SULT2B1: variants seen among roughly 807,000 people sequenced by gnomAD.
The protein encoded by SULT2B1 is sulfotransferase family 2B member 1.
Under a neutral mutation model 33.2 loss-of-function variants are expected in SULT2B1, and 16 were observed. The observed-to-expected ratio is 0.48, with a 90% CI of 0.33 to 0.73. The LOEUF is 0.73. Among genes scored for constraint, SULT2B1 ranks in the 30% least tolerant of loss-of-function variants. The pLI, the probability that SULT2B1 is intolerant of heterozygous loss-of-function variation, is 0.02. For missense variants in SULT2B1, 500 were observed against 506.0 expected, an observed-to-expected ratio of 0.99 and a Z score of 0.11; for synonymous variants, 186 against 200.5, an observed-to-expected ratio of 0.93 and a Z score of 0.61.
chr19:48,582,056 C>T (rs1244267756), intron 2 of SULT2B1, among the ~76,000 whole-genome samples: 1 of 151,926 alleles, frequency 6.6e-6, no homozygotes, highest in Non-Finnish European at 1.5e-5. Flanking sequence ...AGGTGCCCGC[C>T]ACCATGCCTG....
chr19:48,586,891 A>T (rs191467069), intron 2 of SULT2B1, among the ~76,000 whole-genome samples: 3 of 152,192 alleles, frequency 2.0e-5, no homozygotes, highest in African/African-American at 7.2e-5. Context: ...TGGGCAGAGC[A>T]CCTGAGGTCA....
At chr19:48,569,361 A>AAAAAAATAT (rs1568405757) in intron 1 of SULT2B1, among the ~76,000 whole-genome samples, 2 of 9,968 alleles carry the variant, frequency 2.0e-4, no homozygotes, top group African/African-American at 9.7e-4. Flanking sequence ...AAAAAAAAAA[A>AAAAAAATAT]ACATATATAT....
chr19:48,585,000 G>A (rs1480303094), intron 2 of SULT2B1, among the ~76,000 whole-genome samples: 1 of 128,740 alleles, frequency 7.8e-6, no homozygotes, highest in East Asian at 2.6e-4. Context: ...AGTGAGCCGA[G>A]ATAGAGCCAC....
At chr19:48,554,939 T>C (rs1364721691) in intron 1 of SULT2B1, among the ~76,000 whole-genome samples, 1 of 151,874 alleles carries the variant, frequency 6.6e-6, no homozygotes, top group East Asian at 1.9e-4. Context: ...TATCATGCCC[T>C]GGACAGGGAA....
chr19:48,575,609 TA>T lies in SULT2B1; in HGVS notation c.72-330del, dbSNP rs1601098034. On this transcript the variant is annotated intron_variant, in intron 1 of 6. Coordinates refer to ENST00000201586, the MANE Select transcript of SULT2B1 (RefSeq NM_177973.2). The stretch of plus-strand genomic sequence containing the variant: ...GATTCTCCTGCCTCAGCCTCCGGAG[TA>T]ACTGGGAGTACAGGCATGCGCCACC... 1.7e-5 allele frequency: 3 copies of T among 181,204 alleles called. No individual in the cohort carries two copies. The East Asian group carries it at 4.3e-4, about 26-fold the overall frequency. The allele number at this position is 181,204 out of a possible 1,614,324, so 11.2% of individuals were successfully genotyped here.
chr19:48,564,467 C>T (rs1293150277), intron 1 of SULT2B1, among the ~76,000 whole-genome samples: 4 of 142,398 alleles, frequency 2.8e-5, no homozygotes, highest in Admixed American at 1.5e-4. Flanking sequence ...GAAGGAGAAT[C>T]GCTTGAACCC....
chr19:48,563,429 C>T (rs1474315951), intron 1 of SULT2B1, among the ~76,000 whole-genome samples: 2 of 152,164 alleles, frequency 1.3e-5, no homozygotes, highest in East Asian at 1.9e-4. Flanking sequence ...TGGATCAACA[C>T]ATTGTGAATT....
At position 48,592,413 on chromosome 19, in the gene SULT2B1, C is replaced by T. The variant is rs540211220; in HGVS notation, c.551-309C>T. Among the ~76,000 whole-genome samples the T allele has an allele frequency of 2.1e-4, 32 of 152,322 alleles. No individual in the cohort carries two copies. The Middle Eastern group carries it at 0.01, about 49-fold the overall frequency. On this transcript the variant is annotated intron_variant, in intron 4 of 6. Transcript: ENST00000201586. Reference sequence around the variant, plus strand: ...AGGCCCCTGGTACTAAGAAAGGCAGCGCCCTTTGGCCACGTGTTCCTTTCT... The same window carrying T: ...AGGCCCCTGGTACTAAGAAAGGCAGTGCCCTTTGGCCACGTGTTCCTTTCT...
At chr19:48,559,186 C>T (rs1489011458) in intron 1 of SULT2B1, among the ~76,000 whole-genome samples, 1 of 152,048 alleles carries the variant, frequency 6.6e-6, no homozygotes, top group Non-Finnish European at 1.5e-5. Flanking sequence ...CAGCCCCTGA[C>T]GAGGGACTCA....
rs2147633898 is a variant in SULT2B1, at chr19:48,599,026, G to A, written c.827-109G>A. The A allele has an allele frequency of 1.4e-6, 2 of 1,479,838 alleles. No homozygotes were observed. The highest frequency in any genetic ancestry group is 4.9e-5 in the East Asian group (2 of 40,572). 91.7% of individuals were successfully genotyped at this position (1,479,838 alleles called of 1,614,324 possible). On this transcript the variant is annotated intron_variant, in intron 6 of 6. Transcript: ENST00000201586. This position sits in a 1 kb window ranked among gnomAD's most constrained non-coding sequence, Gnocchi z 4.1. ...GGGAGGACGGTGTTTCTGGCAAAGGGAACACCTCGCCAAAGGCCGGGAAGG... is the reference window on the plus strand; with the variant it reads ...GGGAGGACGGTGTTTCTGGCAAAGGAAACACCTCGCCAAAGGCCGGGAAGG...
At chr19:48,559,991 A>G (rs1034551131) in intron 1 of SULT2B1, among the ~76,000 whole-genome samples, 7 of 151,912 alleles carry the variant, frequency 4.6e-5, no homozygotes, top group Non-Finnish European at 7.4e-5. Flanking sequence ...AAAAGAAAAG[A>G]AGAATGCCCA....
At position 48,569,355 on chromosome 19, in the gene SULT2B1, AAAAAAAACATATATATAT is replaced by A; in HGVS notation, c.72-6584_72-6567del. Among the ~76,000 whole-genome samples, 2 of 16,736 alleles carry A rather than the reference AAAAAAAACATATATATAT, an allele frequency of 1.2e-4. 1 individual carries two copies. Among genetic ancestry groups the A allele is most frequent in the South Asian group, 8.0e-3 (2 of 250 alleles). 11.0% of individuals were successfully genotyped at this position (16,736 alleles called of 152,430 possible). On this transcript the variant is annotated intron_variant, in intron 1 of 6. Coordinates refer to ENST00000201586, the MANE Select transcript of SULT2B1 (RefSeq NM_177973.2). The stretch of plus-strand genomic sequence containing the variant: ...AGACTCCGTCTCAAAAAAAAAAAAA[AAAAAAAACATATATATAT>A]ATATATATATATATATATATATATA...
intron 1 of SULT2B1, among the ~76,000 whole-genome samples, chr19:48,558,450 A>T (rs796652240): frequency 5.9e-5 from 9 of 152,204 alleles, no homozygotes; most frequent in African/African-American, 2.2e-4. Flanking sequence ...CGCCTCGGGC[A>T]GCCAAGGAGA....
intron 2 of SULT2B1, among the ~76,000 whole-genome samples, chr19:48,580,351 A>C (rs1390992791): frequency 6.9e-6 from 1 of 145,906 alleles, no homozygotes; most frequent in Non-Finnish European, 1.5e-5. Flanking sequence ...CTCTGCCTCC[A>C]CAGGTTCAAA....
In SULT2B1 at chr19:48,574,987, GCCT is replaced by G. The variant is rs547659789; in HGVS notation, c.72-949_72-947del. Among the ~76,000 whole-genome samples, 1,491 of 152,166 alleles carry G rather than the reference GCCT, an allele frequency of 9.8e-3. 16 individuals carry two copies. Among genetic ancestry groups the G allele is most frequent in the Non-Finnish European group, 0.018 (1,218 of 67,994 alleles). On this transcript the variant is annotated intron_variant, in intron 1 of 6. Transcript: ENST00000201586. The stretch of plus-strand genomic sequence containing the variant: ...GTGTGCGCAAGGCTGTGCTAGGCAG[GCCT>G]CCTCTGAGTTCACATAAGGCCCCGT...
At chr19:48,558,118 G>A (rs951389725) in intron 1 of SULT2B1, among the ~76,000 whole-genome samples, 3 of 152,010 alleles carry the variant, frequency 2.0e-5, no homozygotes, top group Non-Finnish European at 2.9e-5. Context: ...TACAGCCGTC[G>A]GAGATTAACC....
chr19:48,555,549 C>CCTCTCTCTATCTCTCTCT (rs1973087466), intron 1 of SULT2B1, among the ~76,000 whole-genome samples: 1 of 124,114 alleles, frequency 8.1e-6, no homozygotes, highest in Non-Finnish European at 1.6e-5. Flanking sequence ...CCAGAGACAT[C>CCTCTCTCTATCTCTCTCT]CTCTCTCTCT....
intron 3 of SULT2B1, among the ~76,000 whole-genome samples, chr19:48,589,317 A>T (rs1038960961): frequency 9.3e-5 from 9 of 96,600 alleles, no homozygotes; most frequent in African/African-American, 3.1e-4. Context: ...GAAGGGGAGG[A>T]GGGAGGGGAG....
intron 1 of SULT2B1, among the ~76,000 whole-genome samples, chr19:48,564,273 G>A (rs1332456505): frequency 6.6e-6 from 1 of 150,864 alleles, no homozygotes; most frequent in Non-Finnish European, 1.5e-5. Flanking sequence ...TAAAAAATAG[G>A]TCGGGTGCAG....
Sources: allele counts gnomAD v4.1 joint callset (sites outside exome capture counted in the v4.1 genomes callset), GRCh38; gene constraint gnomAD v4.1.1; non-coding constraint Gnocchi (gnomAD v3.1); transcripts MANE v1.5; gene names NCBI Gene and HGNC (gene_info 2026-07-23, HGNC 2026-07-21).